The following POLA1 variants were observed in gnomAD, a reference collection of about 807,000 sequenced individuals.
POLA1 encodes the protein DNA polymerase alpha catalytic subunit.
POLA1 carries 15 observed loss-of-function variants against 124.0 expected under a neutral mutation model. The observed-to-expected ratio is 0.12, with a 90% CI of 0.08 to 0.19. The LOEUF is 0.19. Ranked by LOEUF, POLA1 falls within the 10% of genes least tolerant of loss-of-function variation. The pLI, the probability that POLA1 is intolerant of heterozygous loss-of-function variation, is 1.00. For missense variants in POLA1, 886 were observed against 1,103.4 expected (o/e 0.80, Z 2.79); for synonymous variants, 408 against 389.4 (o/e 1.05, Z -0.56).
chrX:24,972,071 C>T lies in POLA1; in HGVS notation c.4262-23734C>T, dbSNP rs540628136. On this transcript the variant is annotated intron_variant, in intron 36 of 36. Transcript: ENST00000379068. ...GCAACCTCCGCCTCTCAGGTTCAAG[C>T]GATTCTCCTGCCTCAGCCTCCCAAG... Among the ~76,000 whole-genome samples, 38 of 110,213 alleles carry T rather than the reference C, an allele frequency of 3.4e-4. No individual in the cohort carries two copies. The East Asian group carries it at 4.3e-3, about 12-fold the overall frequency.
intron 36 of POLA1, among the ~76,000 whole-genome samples, chrX:24,992,993 A>G (rs2048552515): frequency 8.9e-6 from 1 of 112,251 alleles, no homozygotes; most frequent in South Asian, 3.7e-4. Flanking sequence ...TATCTAGGCT[A>G]CCCTTTTTTT....
intron 24 of POLA1, among the ~76,000 whole-genome samples, chrX:24,747,637 G>A (rs1369213878): frequency 2.7e-5 from 3 of 109,843 alleles, no homozygotes; most frequent in Non-Finnish European, 5.7e-5. Flanking sequence ...TAATCCTGGA[G>A]GTCTGTCTTA....
intron 36 of POLA1, among the ~76,000 whole-genome samples, chrX:24,967,527 C>T (rs2048237360): frequency 9.1e-6 from 1 of 109,964 alleles, no homozygotes; most frequent in East Asian, 2.9e-4. Flanking sequence ...CAGTTGCAGT[C>T]GTGCATGCCT....
At chrX:24,712,425 T>C (rs1233976934) in intron 4 of POLA1, among the ~76,000 whole-genome samples, 3 of 112,434 alleles carry the variant, frequency 2.7e-5, no homozygotes, top group African/African-American at 9.7e-5. Context: ...GATCATCTTT[T>C]CATAAAACGT....
In POLA1 at chrX:24,758,969, G is replaced by T. The variant is rs756845530; in HGVS notation, c.2964+9977G>T. On this transcript the variant is annotated intron_variant, in intron 26 of 36. Transcript: ENST00000379068. The stretch of plus-strand genomic sequence containing the variant: ...CCACTGTGCCTGGCCTGCATTTGCT[G>T]AAGTTTTTGAGTGGTCACCACATCT... Among the ~76,000 whole-genome samples, 6 of 112,045 alleles carry T rather than the reference G, an allele frequency of 5.4e-5. No individual in the cohort carries two copies. In the South Asian group the frequency reaches 2.2e-3, roughly 42 times the overall value.
chrX:24,717,328 G>A lies in POLA1; in HGVS notation c.745G>A (p.Glu249Lys). Residue 249 changes from glutamate (E) to lysine (K), a missense_variant, in exon 9 of 37, where the codon GAG becomes AAG. This residue lies in a region of POLA1 where 337 missense variants were observed against 402.8 expected (regional missense o/e 0.84). Transcript: ENST00000379068. ...VQVESTEEEQ[E>K]SGAMEFEDGD... Reference sequence around the variant, plus strand: ...GGTCGAGAGTACAGAAGAAGAGCAGGAGTCAGGGGCAATGGAGTTTGAAGA... The same window carrying A: ...GGTCGAGAGTACAGAAGAAGAGCAGAAGTCAGGGGCAATGGAGTTTGAAGA... 1 of 1,210,233 alleles carries A rather than the reference G, an allele frequency of 8.3e-7. No individual in the cohort carries two copies. Among genetic ancestry groups the A allele is most frequent in the Non-Finnish European group, 1.1e-6 (1 of 894,293 alleles).
chrX:24,956,987 TG>T (rs1223625768), intron 36 of POLA1, among the ~76,000 whole-genome samples: 1 of 110,756 alleles, frequency 9.0e-6, no homozygotes, highest in Non-Finnish European at 1.9e-5. Context: ...AAGACCAGAT[TG>T]GGATGGGGGT....
intron 34 of POLA1, among the ~76,000 whole-genome samples, chrX:24,847,938 G>C (rs2046497744): frequency 8.9e-6 from 1 of 111,972 alleles, no homozygotes; most frequent in Non-Finnish European, 1.9e-5. Context: ...GACAAATAAA[G>C]CTCTTTGTTA....
intron 36 of POLA1, among the ~76,000 whole-genome samples, chrX:24,982,023 A>AC (rs1214566491): frequency 1.1e-4 from 12 of 107,947 alleles, no homozygotes; most frequent in African/African-American, 3.7e-4. Flanking sequence ...CGCTCTTTTT[A>AC]CCCCTTTTGC....
intron 34 of POLA1, among the ~76,000 whole-genome samples, chrX:24,847,002 C>A (rs1003733456): frequency 8.9e-6 from 1 of 112,118 alleles, no homozygotes; most frequent in Non-Finnish European, 1.9e-5. Context: ...ATTATACTTA[C>A]AATAGATCCA....
At chrX:24,877,623 C>T (rs1284671834) in intron 34 of POLA1, among the ~76,000 whole-genome samples, 1 of 111,786 alleles carries the variant, frequency 8.9e-6, no homozygotes, top group African/African-American at 3.3e-5. Context: ...AAGGCGTTTG[C>T]CACAGGGTTT....
intron 35 of POLA1, among the ~76,000 whole-genome samples, chrX:24,899,016 A>G (rs1303244636): frequency 9.0e-6 from 1 of 111,011 alleles, no homozygotes; most frequent in African/African-American, 3.3e-5. Flanking sequence ...CAATATGCCA[A>G]CCTTTAATAT....
At position 24,874,310 on chromosome X, in the gene POLA1, T is replaced by A. The variant is rs1006164218; in HGVS notation, c.4048-13696T>A. Among the ~76,000 whole-genome samples, 9 of 112,237 alleles carry A rather than the reference T, an allele frequency of 8.0e-5. No individual in the cohort carries two copies. In the East Asian group the frequency reaches 2.2e-3, roughly 28 times the overall value. On this transcript the variant is annotated intron_variant, in intron 34 of 36. Coordinates refer to ENST00000379068, the MANE Select transcript of POLA1 (RefSeq NM_001330360.2). ...AAGCACATATTTTAAGAACTATATTTTATTGTCAGATTGAGGTTGTTTATT... is the reference window on the plus strand; with the variant it reads ...AAGCACATATTTTAAGAACTATATTATATTGTCAGATTGAGGTTGTTTATT...
intron 24 of POLA1, 49 bp downstream of exon 24, chrX:24,745,591 TA>T: frequency 1.1e-6 from 1 of 884,623 alleles, no homozygotes; most frequent in Non-Finnish European, 1.6e-6. Flanking sequence ...AAAAATTGCT[TA>T]AAGAAGGAAG....
chrX:24,848,799 C>T (rs1206401919), intron 34 of POLA1, among the ~76,000 whole-genome samples: 2 of 112,224 alleles, frequency 1.8e-5, no homozygotes, highest in Non-Finnish European at 3.8e-5. Flanking sequence ...AAGCAGCCTC[C>T]CACTCTATCC....
chrX:24,785,396 T>C (rs2045342989), intron 26 of POLA1, among the ~76,000 whole-genome samples: 1 of 112,070 alleles, frequency 8.9e-6, no homozygotes, highest in African/African-American at 3.2e-5. Flanking sequence ...GGGTGACCAG[T>C]ACTATTCCAT....
chrX:24,878,099 C>T (rs1346647065), intron 34 of POLA1, among the ~76,000 whole-genome samples: 3 of 110,684 alleles, frequency 2.7e-5, no homozygotes, highest in African/African-American at 9.9e-5. Flanking sequence ...TGTTTACAGA[C>T]TATTCAAACG....
chrX:24,836,446 A>G (rs1220992482), intron 32 of POLA1, among the ~76,000 whole-genome samples: 1 of 112,094 alleles, frequency 8.9e-6, no homozygotes, highest in Non-Finnish European at 1.9e-5. Context: ...CCAGTTTTCC[A>G]AAGCGGTTCT....
intron 36 of POLA1, among the ~76,000 whole-genome samples, chrX:24,931,022 A>G (rs769164001): frequency 2.7e-5 from 3 of 111,311 alleles, no homozygotes; most frequent in African/African-American, 9.8e-5. Flanking sequence ...AAGAGAGTAT[A>G]TAGGCGCCTC....
Sources: allele counts gnomAD v4.1 joint callset (sites outside exome capture counted in the v4.1 genomes callset), GRCh38; gene constraint gnomAD v4.1.1; regional missense constraint gnomAD v4.1.1; transcripts MANE v1.5; gene names NCBI Gene and HGNC (gene_info 2026-07-23, HGNC 2026-07-21).